Variants in ADCY9 observed in about 807,000 individuals in gnomAD.
The protein encoded by ADCY9 is adenylate cyclase 9.
A neutral mutation model predicts 101.5 loss-of-function variants in ADCY9; 50 were observed. The observed-to-expected ratio is 0.49, with a 90% confidence interval of 0.39 to 0.62. ADCY9 has a LOEUF of 0.62. ADCY9 is among the 20% of genes least tolerant of loss of function. ADCY9 has a pLI of 0.00. For synonymous variants in ADCY9, 905 were observed against 769.3 expected (o/e 1.18, Z -2.92); for missense variants, 1,662 against 1,800.4 (o/e 0.92, Z 1.39).
At chr16:4,051,242 C>A (rs2386826) in intron 2 of ADCY9, among the ~76,000 whole-genome samples, 4 of 151,106 alleles carry the variant, frequency 2.6e-5, no homozygotes, top group African/African-American at 4.9e-5. Context: ...ACGAAAAAAC[C>A]TGGCCAGGCA....
chr16:3,969,239 TTTTTTTCTTTTTC>T (rs902572005), intron 10 of ADCY9, among the ~76,000 whole-genome samples: 21 of 151,954 alleles, frequency 1.4e-4, no homozygotes, highest in Non-Finnish European at 2.4e-4. Context: ...GCACAATTTC[TTTTTTTCTTTTTC>T]TTTTTTCTTT....
chr16:3,998,829 G>A (rs1376588266), intron 3 of ADCY9, among the ~76,000 whole-genome samples: 4 of 145,608 alleles, frequency 2.7e-5, no homozygotes, highest in African/African-American at 1.0e-4. Flanking sequence ...ACCCAATGGA[G>A]AGATTCTCAC....
chr16:4,059,320 G>T (rs1178450090), intron 2 of ADCY9, among the ~76,000 whole-genome samples: 1 of 147,050 alleles, frequency 6.8e-6, no homozygotes, highest in Non-Finnish European at 1.5e-5. Context: ...GGCAGAGGCT[G>T]CAGTGAGCCG....
intron 2 of ADCY9, among the ~76,000 whole-genome samples, chr16:4,042,594 A>G (rs2056634917): frequency 1.3e-5 from 2 of 152,224 alleles, no homozygotes; most frequent in South Asian, 4.1e-4. Context: ...TGGTTGAACT[A>G]TATTTCCTAG....
At chr16:4,096,156 C>A (rs899447420) in intron 2 of ADCY9, among the ~76,000 whole-genome samples, 2 of 152,230 alleles carry the variant, frequency 1.3e-5, no homozygotes, top group African/African-American at 2.4e-5. Context: ...ACACGCCCTG[C>A]AATTTAGTGG....
At chr16:4,059,601 C>T (rs2056762090) in intron 2 of ADCY9, among the ~76,000 whole-genome samples, 1 of 151,918 alleles carries the variant, frequency 6.6e-6, no homozygotes, top group African/African-American at 2.4e-5. Context: ...AATGTTTATT[C>T]AAGAAAAACT....
chr16:3,979,275 C>G lies in ADCY9; in HGVS notation c.2520G>C (p.Arg840Ser). The change falls in exon 8 of 11, where the codon AGG becomes AGC. Residue 840 changes from arginine (R) to serine (S), a missense_variant and splice_region_variant. Arg to Ser is a moderately radical substitution (Grantham distance 110). Around this residue, in one of 5 missense-constraint regions of ADCY9, gnomAD observed 624 missense variants for 639.1 expected, o/e 0.98. Transcript: ENST00000294016. ...TGACGTCCTCCAGGAAGAACACCATCCTGCGAGAGGCATGGGGGTTAGCAG... is the reference window on the plus strand; with the variant it reads ...TGACGTCCTCCAGGAAGAACACCATGCTGCGAGAGGCATGGGGGTTAGCAG... ...LEVLSLAVSI[R>S]MVFFLEDVMA... The G allele has an allele frequency of 6.2e-7, 1 of 1,613,640 alleles. No homozygotes were observed. The highest frequency in any genetic ancestry group is 1.1e-5 in the South Asian group (1 of 91,076).
At chr16:4,045,702 C>A (rs1319224814) in intron 2 of ADCY9, among the ~76,000 whole-genome samples, 1 of 150,374 alleles carries the variant, frequency 6.7e-6, no homozygotes, top group East Asian at 2.0e-4. Context: ...CTTTGAAAAC[C>A]CTTGTGAATT....
chr16:3,956,634 G>T (rs1055004218), intron 5 of ADCY9, among the ~76,000 whole-genome samples: 2 of 150,808 alleles, frequency 1.3e-5, no homozygotes, highest in Non-Finnish European at 2.9e-5. Context: ...GGGATTACAG[G>T]TGCATGCCAC....
chr16:4,081,820 G>A (rs2056904960), intron 2 of ADCY9, among the ~76,000 whole-genome samples: 6 of 150,212 alleles, frequency 4.0e-5, no homozygotes, highest in African/African-American at 9.8e-5. Flanking sequence ...GAGGGGGGCA[G>A]CAGGGGAGGA....
At chr16:4,102,911 G>T (rs527659439) in intron 2 of ADCY9, among the ~76,000 whole-genome samples, 2 of 151,838 alleles carry the variant, frequency 1.3e-5, no homozygotes, top group Non-Finnish European at 2.9e-5. Context: ...TAGGAGAGAC[G>T]GAGCTTCACC....
chr16:4,091,753 C>T (rs529952890), intron 2 of ADCY9, among the ~76,000 whole-genome samples: 2 of 152,172 alleles, frequency 1.3e-5, no homozygotes, highest in Admixed American at 1.3e-4. Flanking sequence ...CGCCCAGACT[C>T]GGTAAATCCT....
chr16:4,069,379 T>A (rs1261658794), intron 2 of ADCY9, among the ~76,000 whole-genome samples: 1 of 151,808 alleles, frequency 6.6e-6, no homozygotes, highest in Non-Finnish European at 1.5e-5. Context: ...GTTCCTTGGT[T>A]GTAAAATGCA....
intron 2 of ADCY9, among the ~76,000 whole-genome samples, chr16:4,094,603 G>A (rs561562472): frequency 9.6e-4 from 146 of 151,430 alleles, no homozygotes; most frequent in Non-Finnish European, 1.0e-3. Flanking sequence ...TCGAGGCCCC[G>A]CAACACAGCA....
intron 2 of ADCY9, among the ~76,000 whole-genome samples, chr16:4,112,632 G>T (rs529255359): frequency 6.6e-5 from 10 of 151,846 alleles, no homozygotes; most frequent in Non-Finnish European, 1.5e-4. Flanking sequence ...TTCTTCCGAG[G>T]ATTCCCTTTC....
At chr16:4,038,492 C>A (rs1223325304) in intron 2 of ADCY9, among the ~76,000 whole-genome samples, 1 of 152,150 alleles carries the variant, frequency 6.6e-6, no homozygotes, top group Admixed American at 6.5e-5. Context: ...CGATCCTGGA[C>A]TTCTCGGCCT....
Position 4,043,251 on chromosome 16 carries a change from T to G in ADCY9, c.1694-35693A>C, listed in dbSNP as rs149788175. ...GTCTCAAAAACAAACAAACAAAAAATTAAAACTCTTCCCTGTGGGGTTGCT... is the reference window on the plus strand; with the variant it reads ...GTCTCAAAAACAAACAAACAAAAAAGTAAAACTCTTCCCTGTGGGGTTGCT... On this transcript the variant is annotated intron_variant, in intron 2 of 10. Coordinates refer to ENST00000294016, the MANE Select transcript of ADCY9 (RefSeq NM_001116.4). 6.7e-4 allele frequency among the ~76,000 whole-genome samples: 102 copies of G among 151,912 alleles called. 1 individual carries two copies. The Middle Eastern group carries it at 0.014, about 20-fold the overall frequency.
At chr16:3,987,272 C>G (rs1001634636) in intron 6 of ADCY9, among the ~76,000 whole-genome samples, 2 of 152,240 alleles carry the variant, frequency 1.3e-5, no homozygotes. Flanking sequence ...CCACGTCTTT[C>G]CCCCTTCCCC....
At chr16:4,012,522 G>A (rs561410775) in intron 2 of ADCY9, among the ~76,000 whole-genome samples, 1 of 149,654 alleles carries the variant, frequency 6.7e-6, no homozygotes, top group Non-Finnish European at 1.5e-5. Flanking sequence ...AGTGTAAACA[G>A]GAGAATAATT....
Sources: gnomAD v4.1 joint callset for allele counts (sites outside exome capture counted in the v4.1 genomes callset) on GRCh38, gnomAD v4.1.1 for gene constraint, gnomAD v4.1.1 regional missense constraint, MANE v1.5 for transcripts, NCBI Gene and HGNC (gene_info 2026-07-23, HGNC 2026-07-21) for gene names.